Variants in ROCK2 observed in about 807,000 individuals in gnomAD.
The protein encoded by ROCK2 is Rho associated coiled-coil containing protein kinase 2.
In ROCK2, 61 loss-of-function variants were observed where a neutral mutation model predicts 195.1. The observed-to-expected ratio is 0.31, with a 90% CI of 0.25 to 0.39. The LOEUF (loss-of-function observed/expected upper bound fraction) is 0.39, where lower values mean the gene tolerates loss of function less well. Among genes scored for constraint, ROCK2 ranks in the 10% least tolerant of loss-of-function variants. ROCK2 has a pLI of 1.00. For synonymous variants in ROCK2, 504 were observed against 545.5 expected, an observed-to-expected ratio of 0.92 and a Z score of 1.06; for missense variants, 1,109 against 1,637.4, an observed-to-expected ratio of 0.68 and a Z score of 5.57.
chr2:11,221,425 T>G, intron 8 of ROCK2, 68 bp from the exon 9 acceptor site: 2 of 1,124,020 alleles, frequency 1.8e-6, no homozygotes, highest in Non-Finnish European at 1.2e-6. Flanking sequence ...TATTTTATTA[T>G]GATGTATTAT....
intron 32 of ROCK2, among the ~76,000 whole-genome samples, chr2:11,187,551 A>G (rs1663242031): frequency 6.6e-6 from 1 of 152,154 alleles, no homozygotes; most frequent in Admixed American, 6.5e-5. Flanking sequence ...TTTAACAGCT[A>G]TTTCCATAAT....
At chr2:11,267,088 G>C (rs1179943407) in intron 3 of ROCK2, among the ~76,000 whole-genome samples, 1 of 152,156 alleles carries the variant, frequency 6.6e-6, no homozygotes, top group Non-Finnish European at 1.5e-5. Flanking sequence ...ATCAAGGTCT[G>C]TCATATTCCT....
At chr2:11,195,153 A>T (rs1663581578) in intron 27 of ROCK2, 128 bp from the exon 28 acceptor site, 2 of 502,174 alleles carry the variant, frequency 4.0e-6, no homozygotes, top group Non-Finnish European at 6.9e-6. Flanking sequence ...ATCACTATAC[A>T]TCATCTAGGA....
At chr2:11,256,537 C>G (rs1666041634) in intron 3 of ROCK2, among the ~76,000 whole-genome samples, 1 of 150,894 alleles carries the variant, frequency 6.6e-6, no homozygotes, top group Non-Finnish European at 1.5e-5. Context: ...TTCTTTACAG[C>G]AATGTGAGAA....
intron 3 of ROCK2, among the ~76,000 whole-genome samples, chr2:11,253,131 G>A (rs963600748): frequency 6.6e-6 from 1 of 152,042 alleles, no homozygotes. Context: ...GAGTATGCCA[G>A]TTTTTGTACA....
intron 17 of ROCK2, 146 bp downstream of exon 17, chr2:11,214,211 T>C: frequency 1.7e-6 from 1 of 585,846 alleles, no homozygotes; most frequent in Non-Finnish European, 3.0e-6. Flanking sequence ...GATACATCTC[T>C]TATCTACACA....
chr2:11,202,139 C>A lies in ROCK2; in HGVS notation c.2550-18G>T. On this transcript the variant is annotated intron_variant, in intron 20 of 32. Transcript: ENST00000315872. The stretch of plus-strand genomic sequence containing the variant: ...GACGTTCTCTGTGAGGACAATGAAT[C>A]AAAGGTTTAAATAACTTACACATAT... 6.2e-7 allele frequency: 1 copy of A among 1,601,254 alleles called. No homozygotes were observed. The highest frequency in any genetic ancestry group is 1.1e-5 in the South Asian group (1 of 90,816).
chr2:11,308,418 A>G, intron 1 of ROCK2: 1 of 1,604,492 alleles, frequency 6.2e-7, no homozygotes, highest in Non-Finnish European at 8.5e-7. Flanking sequence ...GAATCTGAAG[A>G]AGATGAAGAA....
chr2:11,189,685 T>C (rs2148026126), intron 32 of ROCK2, among the ~76,000 whole-genome samples: 1 of 152,224 alleles, frequency 6.6e-6, no homozygotes, highest in Admixed American at 6.5e-5. Flanking sequence ...AATGTGACAT[T>C]CAAAATGGAA....
rs535318717 is a variant in ROCK2, at chr2:11,197,231, A to C, written c.3397T>G (p.Ser1133Ala). The stretch of plus-strand genomic sequence containing the variant: ...TCCCCTGGTCCACTGCCTATACTGG[A>C]ACTATCCAGACCAATATGCAAGGCT... ...LQALHIGLDSSSIGSGPGDAE... is the reference protein window; with the variant it reads ...LQALHIGLDSASIGSGPGDAE... Residue 1133 changes from serine to alanine, a missense_variant, in exon 27 of 33, where the codon TCC becomes GCC. Transcript: ENST00000315872. The surrounding 1 kb of genome is among the most constrained non-coding windows in gnomAD (Gnocchi z 4.9). The C allele has an allele frequency of 1.1e-5, 17 of 1,613,966 alleles. No individual in the cohort carries two copies. In the East Asian group the frequency reaches 3.8e-4, roughly 36 times the overall value.
rs557766113 is a variant in ROCK2 at position 11,212,461 on chromosome 2, C to T, written c.2044-621G>A. The stretch of plus-strand genomic sequence containing the variant: ...TTTCAGTCTTATTTGAACTCACTGC[C>T]CCCCTTAAAACTATCCCTTGGCATT... On this transcript the variant is annotated intron_variant, in intron 17 of 32. Transcript: ENST00000315872. Among the ~76,000 whole-genome samples, 4 of 151,996 alleles carry T rather than the reference C, an allele frequency of 2.6e-5. No homozygotes were observed. The South Asian group carries it at 8.3e-4, about 32-fold the overall frequency.
chr2:11,290,214 A>G (rs772795078), intron 1 of ROCK2, among the ~76,000 whole-genome samples: 2 of 152,226 alleles, frequency 1.3e-5, no homozygotes, highest in Non-Finnish European at 2.9e-5. Context: ...CTTGATTGAA[A>G]GCCCATGTCT....
chr2:11,286,738 T>C (rs1667207074), intron 2 of ROCK2, 99 bp from the exon 3 acceptor site: 4 of 734,384 alleles, frequency 5.4e-6, no homozygotes, highest in Non-Finnish European at 8.4e-6. Context: ...AAAAGACAGT[T>C]TTTAGCTAAA....
intron 3 of ROCK2, among the ~76,000 whole-genome samples, chr2:11,273,812 G>A (rs569333476): frequency 1.2e-4 from 18 of 151,466 alleles, no homozygotes; most frequent in Admixed American, 3.3e-4. Context: ...GTCAGAAATC[G>A]ATAAAAGACA....
intron 27 of ROCK2, among the ~76,000 whole-genome samples, chr2:11,195,662 G>A (rs1271324778): frequency 1.3e-5 from 2 of 152,110 alleles, no homozygotes; most frequent in Middle Eastern, 3.4e-3. Context: ...TTACAGGCAC[G>A]CGCCAGCACG....
intron 1 of ROCK2, among the ~76,000 whole-genome samples, chr2:11,336,946 A>T (rs1668947074): frequency 6.6e-6 from 1 of 152,206 alleles, no homozygotes; most frequent in Non-Finnish European, 1.5e-5. Flanking sequence ...ATTTTTATTA[A>T]AAAAAGAGAT....
At chr2:11,275,278 T>G (rs1666785761) in intron 3 of ROCK2, among the ~76,000 whole-genome samples, 2 of 151,656 alleles carry the variant, frequency 1.3e-5, no homozygotes, top group Admixed American at 6.6e-5. Context: ...AAAAAAGAAT[T>G]ATAAGAACAA....
chr2:11,228,473 GA>G (rs1664888465), intron 5 of ROCK2, among the ~76,000 whole-genome samples: 1 of 152,078 alleles, frequency 6.6e-6, no homozygotes. Flanking sequence ...AGTGTGAATA[GA>G]AATTTAAAAA....
intron 20 of ROCK2, among the ~76,000 whole-genome samples, chr2:11,203,191 A>T (rs1184026644): frequency 1.3e-5 from 2 of 152,194 alleles, no homozygotes; most frequent in Admixed American, 1.3e-4. Context: ...ATGGTACATT[A>T]AATTCTGGCC....
Sources: gnomAD v4.1 joint callset for allele counts (sites outside exome capture counted in the v4.1 genomes callset) on GRCh38, gnomAD v4.1.1 for gene constraint, Gnocchi (gnomAD v3.1) non-coding constraint, MANE v1.5 for transcripts, NCBI Gene and HGNC (gene_info 2026-07-23, HGNC 2026-07-21) for gene names.